The following CLASP1 variants were observed in gnomAD, a reference collection of about 807,000 sequenced individuals.
The protein encoded by CLASP1 is CLIP-associating protein 1.
Under a neutral mutation model 192.3 loss-of-function variants are expected in CLASP1, and 38 were observed. The observed-to-expected ratio is 0.20, with a 90% CI of 0.15 to 0.26. The LOEUF (loss-of-function observed/expected upper bound fraction) is 0.26, where lower values mean the gene tolerates loss of function less well. Ranked by LOEUF, CLASP1 falls within the 10% of genes least tolerant of loss-of-function variation. The pLI is 1.00. For synonymous variants in CLASP1, 691 were observed against 712.8 expected (o/e 0.97, Z 0.49); for missense variants, 1,433 against 1,932.5 (o/e 0.74, Z 4.85).
chr2:121,594,397 A>ATT (rs111667602), intron 2 of CLASP1, among the ~76,000 whole-genome samples: 34 of 146,886 alleles, frequency 2.3e-4, no homozygotes, highest in African/African-American at 5.0e-4. Context: ...TAGTCTATCA[A>ATT]TTTTTTTTTT....
intron 2 of CLASP1, among the ~76,000 whole-genome samples, chr2:121,543,695 GCCT>G (rs768325041): frequency 6.6e-6 from 1 of 152,028 alleles, no homozygotes; most frequent in East Asian, 1.9e-4. Flanking sequence ...AAGGTCTCCA[GCCT>G]CCTAATTTCT....
chr2:121,627,027 G>A (rs1201122948), intron 1 of CLASP1, among the ~76,000 whole-genome samples: 1 of 137,952 alleles, frequency 7.2e-6, no homozygotes, highest in African/African-American at 3.3e-5. Context: ...AGCAGCCTTA[G>A]GAGAGTAATT....
At chr2:121,471,651 T>C (rs781734832) in intron 8 of CLASP1, among the ~76,000 whole-genome samples, 1 of 152,138 alleles carries the variant, frequency 6.6e-6, no homozygotes, top group Non-Finnish European at 1.5e-5. Flanking sequence ...CCAAATTACA[T>C]GGTTCAGTTT....
chr2:121,476,370 C>G (rs906978826), intron 8 of CLASP1, among the ~76,000 whole-genome samples: 1 of 152,124 alleles, frequency 6.6e-6, no homozygotes, highest in African/African-American at 2.4e-5. Flanking sequence ...AAGCCACAGA[C>G]AGATCAGAAG....
intron 2 of CLASP1, chr2:121,531,018 G>A (rs775074989): frequency 4.3e-5 from 30 of 700,008 alleles, no homozygotes; most frequent in Middle Eastern, 3.6e-4. Context: ...ATGAAAACCT[G>A]TTTTCATAGA....
At chr2:121,359,795 A>C (rs1454902721) in intron 37 of CLASP1, among the ~76,000 whole-genome samples, 1 of 152,136 alleles carries the variant, frequency 6.6e-6, no homozygotes, top group African/African-American at 2.4e-5. Flanking sequence ...AAAAACTCTA[A>C]ATTGGTGTCC....
intron 1 of CLASP1, among the ~76,000 whole-genome samples, chr2:121,622,478 A>G: frequency 6.6e-6 from 1 of 151,708 alleles, no homozygotes; most frequent in East Asian, 2.0e-4. Context: ...CTAAGGTGGA[A>G]GGATCACTTG....
In CLASP1 at chr2:121,646,932, C is replaced by T. The variant is rs1402389354; in HGVS notation, c.-286+2440G>A. The stretch of plus-strand genomic sequence containing the variant: ...GCGGGCACCTGTAGTCCCAGCTACT[C>T]GGGAGGCTGAGGGAGGAGAATGGCA... On this transcript the variant is annotated intron_variant, in intron 1 of 39. Coordinates refer to ENST00000263710, the Ensembl canonical transcript of CLASP1. Among the ~76,000 whole-genome samples, 2 of 148,852 alleles carry T rather than the reference C, an allele frequency of 1.3e-5. 1 individual carries two copies.
chr2:121,407,382 A>G (rs2077077312), intron 25 of CLASP1, 89 bp downstream of exon 26: 1 of 1,421,390 alleles, frequency 7.0e-7, no homozygotes, highest in Middle Eastern at 2.1e-4. Context: ...TAGGAATTAG[A>G]CTCCATTAAT....
chr2:121,379,370 A>G (rs572128412), intron 33 of CLASP1, among the ~76,000 whole-genome samples: 2 of 152,208 alleles, frequency 1.3e-5, no homozygotes, highest in Non-Finnish European at 2.9e-5. Flanking sequence ...AACCTCTTCT[A>G]TGTTCACAAG....
At chr2:121,631,565 C>T (rs1214980990) in intron 1 of CLASP1, among the ~76,000 whole-genome samples, 1 of 151,592 alleles carries the variant, frequency 6.6e-6, no homozygotes, top group African/African-American at 2.4e-5. Context: ...GGATTACAGG[C>T]GTAAGCCACC....
intron 24 of CLASP1, 55 bp downstream of exon 25, chr2:121,410,811 G>GAAATGCAGATGAGTATT: frequency 9.4e-7 from 1 of 1,058,284 alleles, no homozygotes; most frequent in Non-Finnish European, 1.4e-6. Flanking sequence ...AGGACAGAGA[G>GAAATGCAGATGAGTATT]AAATGCAGAT....
At chr2:121,569,649 T>A (rs2059811373) in intron 2 of CLASP1, among the ~76,000 whole-genome samples, 1 of 151,822 alleles carries the variant, frequency 6.6e-6, no homozygotes, top group Non-Finnish European at 1.5e-5. Context: ...GATCAGGAGT[T>A]TGAGACCAGC....
At chr2:121,419,614 G>A (rs182662117) in intron 22 of CLASP1, among the ~76,000 whole-genome samples, 27 of 151,214 alleles carry the variant, frequency 1.8e-4, no homozygotes, top group Admixed American at 1.4e-3. Context: ...ATAAAACACC[G>A]AGACTACAAG....
intron 7 of CLASP1, among the ~76,000 whole-genome samples, chr2:121,507,030 T>C (rs2150287256): frequency 6.6e-6 from 1 of 152,012 alleles, no homozygotes. Context: ...CAACAAATGA[T>C]GAGACAAAGA....
At chr2:121,578,328 G>A (rs1351886130) in intron 2 of CLASP1, among the ~76,000 whole-genome samples, 2 of 148,944 alleles carry the variant, frequency 1.3e-5, no homozygotes, top group African/African-American at 4.9e-5. Flanking sequence ...AAGCTGAGGT[G>A]AGAGGATCAC....
At chr2:121,428,914 C>T (rs962279956) in intron 20 of CLASP1, among the ~76,000 whole-genome samples, 3 of 152,168 alleles carry the variant, frequency 2.0e-5, no homozygotes, top group African/African-American at 4.8e-5. Context: ...TTACAGACAA[C>T]GAAACAATGG....
chr2:121,534,759 C>T (rs2095000020), intron 2 of CLASP1, among the ~76,000 whole-genome samples: 1 of 152,042 alleles, frequency 6.6e-6, no homozygotes, highest in Admixed American at 6.6e-5. Flanking sequence ...AACTCCTGAC[C>T]TCAAGCAATC....
intron 23 of CLASP1, among the ~76,000 whole-genome samples, chr2:121,416,669 A>G (rs2078638226): frequency 6.6e-6 from 1 of 152,212 alleles, no homozygotes; most frequent in South Asian, 2.1e-4. Flanking sequence ...GACCCCAAGA[A>G]GCCTCAGAAC....
Sources: gnomAD v4.1 joint callset for allele counts (sites outside exome capture counted in the v4.1 genomes callset) on GRCh38, gnomAD v4.1.1 for gene constraint, MANE v1.5 for transcripts, NCBI Gene and HGNC (gene_info 2026-07-23, HGNC 2026-07-21) for gene names.